The following MYO5A variants were observed in gnomAD, a reference collection of about 807,000 sequenced individuals.
The protein encoded by MYO5A is myosin VA, also known as unconventional myosin-Va.
In MYO5A, 98 loss-of-function variants were observed where a neutral mutation model predicts 249.7. That is an observed-to-expected ratio of 0.39 (90% confidence interval 0.33 to 0.46). The LOEUF is 0.46. Ranked by LOEUF, MYO5A falls within the 20% of genes least tolerant of loss-of-function variation. MYO5A has a pLI of 0.98. For missense variants in MYO5A, 1,696 were observed against 2,308.8 expected, an observed-to-expected ratio of 0.73 and a Z score of 5.44; for synonymous variants, 778 against 810.6, an observed-to-expected ratio of 0.96 and a Z score of 0.68.
intron 1 of MYO5A, among the ~76,000 whole-genome samples, chr15:52,452,874 G>C (rs550855666): frequency 1.5e-4 from 23 of 150,770 alleles, no homozygotes; most frequent in Non-Finnish European, 3.1e-4. Flanking sequence ...AGCCATAGGA[G>C]AAACAAAAAA....
chr15:52,317,676 C>T (rs927142486), intron 39 of MYO5A, among the ~76,000 whole-genome samples: 2 of 152,160 alleles, frequency 1.3e-5, no homozygotes, highest in South Asian at 4.1e-4. Context: ...TAACCAAAAG[C>T]CCCACATATA....
At chr15:52,490,500 T>C (rs1300223595) in intron 1 of MYO5A, among the ~76,000 whole-genome samples, 12 of 152,030 alleles carry the variant, frequency 7.9e-5, no homozygotes, top group Admixed American at 7.9e-4. Context: ...CTTGAGGACA[T>C]TACGCCATAT....
intron 14 of MYO5A, among the ~76,000 whole-genome samples, 158 bp from the exon 15 acceptor site, chr15:52,384,480 G>T (rs2041892173): frequency 6.6e-6 from 1 of 152,166 alleles, no homozygotes; most frequent in Non-Finnish European, 1.5e-5. Context: ...AAGAATATGA[G>T]AGGAAGGTGA....
intron 40 of MYO5A, among the ~76,000 whole-genome samples, chr15:52,316,307 T>C (rs1370447241): frequency 6.8e-6 from 1 of 147,424 alleles, no homozygotes; most frequent in African/African-American, 2.5e-5. Flanking sequence ...CAAAAGAAAA[T>C]TGGGCATGTT....
In MYO5A at chr15:52,343,118, T is replaced by G; in HGVS notation, c.4039A>C (p.Arg1347=). Residue 1347 remains arginine, a splice_region_variant and synonymous_variant, in exon 31 of 42, where the codon AGG becomes CGG. Transcript: ENST00000399233. ...LVYEGLKQAN[R]LLESQLQSQK... Reference sequence around the variant, plus strand: ...CCATTTTGAGGAGACAAATATAACCTGTTGGCTTGTTTTAACCCTTCATAA... The same window carrying G: ...CCATTTTGAGGAGACAAATATAACCGGTTGGCTTGTTTTAACCCTTCATAA... 2 of 1,609,364 alleles carry G rather than the reference T, an allele frequency of 1.2e-6. 1 individual carries two copies. Among genetic ancestry groups the G allele is most frequent in the East Asian group, 4.5e-5 (2 of 44,862 alleles).
chr15:52,386,464 T>TAGG (rs777276332), intron 14 of MYO5A, among the ~76,000 whole-genome samples: 1 of 152,140 alleles, frequency 6.6e-6, no homozygotes, highest in Non-Finnish European at 1.5e-5. Flanking sequence ...GAATAATACT[T>TAGG]AGAGATTGGC....
rs2041823591 is a variant in MYO5A at position 52,383,037 on chromosome 15, T to G, written c.2012+54A>C. 4.2e-6 allele frequency: 6 copies of G among 1,431,516 alleles called. No individual in the cohort carries two copies. In the South Asian group the frequency reaches 6.9e-5, roughly 16 times the overall value. 88.7% of individuals were successfully genotyped at this position (1,431,516 alleles called of 1,614,324 possible). On this transcript the variant is annotated intron_variant, in intron 16 of 41. Transcript: ENST00000399233. The stretch of plus-strand genomic sequence containing the variant: ...AAAATATTAGTTTGCTTGGCTGGTT[T>G]GGCACTTCTTATAAGATATGTACTT...
At chr15:52,441,993 A>G (rs1426360208) in intron 1 of MYO5A, among the ~76,000 whole-genome samples, 1 of 152,238 alleles carries the variant, frequency 6.6e-6, no homozygotes, top group African/African-American at 2.4e-5. Flanking sequence ...ATTTCCAGAA[A>G]CAGAGAATAT....
chr15:52,391,953 C>T lies in MYO5A; in HGVS notation c.1519G>A (p.Asp507Asn). Residue 507 changes from aspartate (D) to asparagine (N), a missense_variant, in exon 12 of 42, where the codon GAT becomes AAT. Around this residue, in one of 5 missense-constraint regions of MYO5A, gnomAD observed 277 missense variants for 422.4 expected, o/e 0.66. Coordinates refer to ENST00000399233, the MANE Select transcript of MYO5A (RefSeq NM_001382347.1). ...NLIESKLGIL[D>N]LLDEECKMPK... ...ACCTTGCATTCCTCATCCAGTAAAT[C>T]TAGAATGCCTAGTTTTGATTCTATA... 6.2e-7 allele frequency: 1 copy of T among 1,612,994 alleles called. No homozygotes were observed. The highest frequency in any genetic ancestry group is 1.3e-5 in the African/African-American group (1 of 74,966).
chr15:52,510,817 A>G lies in MYO5A; in HGVS notation c.27+17963T>C, dbSNP rs940110585. 3.9e-5 allele frequency among the ~76,000 whole-genome samples: 6 copies of G among 152,360 alleles called. No homozygotes were observed. In the East Asian group the frequency reaches 9.6e-4, roughly 24 times the overall value. On this transcript the variant is annotated intron_variant, in intron 1 of 41. Coordinates refer to ENST00000399233, the MANE Select transcript of MYO5A (RefSeq NM_001382347.1). ...AAAAAGGTTGGGGACCGCTGACCTA[A>G]GTCTAATGTATAGAATGGCACAGAT...
rs1259220283 is a variant in MYO5A, at chr15:52,415,965, A to C, written c.612+180T>G. The C allele has an allele frequency of 4.1e-5, 30 of 739,806 alleles. No homozygotes were observed. The East Asian group carries it at 7.7e-4, about 19-fold the overall frequency. The allele number at this position is 739,806 out of a possible 1,614,324, so 45.8% of individuals were successfully genotyped here. On this transcript the variant is annotated intron_variant, in intron 5 of 41. Transcript: ENST00000399233. The stretch of plus-strand genomic sequence containing the variant: ...CCGCTATAGCTGGGCTTTACTAAAA[A>C]TGTCTACCTTACCAAGTTTTTACTT...
intron 2 of MYO5A, among the ~76,000 whole-genome samples, chr15:52,431,822 C>A (rs1415981418): frequency 6.6e-6 from 1 of 151,756 alleles, no homozygotes; most frequent in Admixed American, 6.6e-5. Context: ...TCCATCTCTA[C>A]TAAAAAAATT....
intron 25 of MYO5A, among the ~76,000 whole-genome samples, chr15:52,358,883 T>G (rs2040378597): frequency 6.6e-6 from 1 of 152,208 alleles, no homozygotes; most frequent in Non-Finnish European, 1.5e-5. Flanking sequence ...GCCATACTGT[T>G]ATATCCATGG....
At chr15:52,392,393 C>T (rs147065084) in intron 11 of MYO5A, among the ~76,000 whole-genome samples, 76 of 152,338 alleles carry the variant, frequency 5.0e-4, no homozygotes, top group African/African-American at 1.7e-3. Context: ...TAGAGTGCTG[C>T]TAACAACATG....
At position 52,444,621 on chromosome 15, in the gene MYO5A, T is replaced by A. The variant is rs11070895; in HGVS notation, c.28-11336A>T. ...GAAGAATAAGAAAAACACAATCTCA[T>A]TGAATCACTTTCTCCTGATTGGGAC... On this transcript the variant is annotated intron_variant, in intron 1 of 41. Coordinates refer to ENST00000399233, the MANE Select transcript of MYO5A (RefSeq NM_001382347.1). 3.8e-3 allele frequency among the ~76,000 whole-genome samples: 573 copies of A among 152,256 alleles called. 27 individuals carry two copies. The East Asian group carries it at 0.096, about 25-fold the overall frequency.
At chr15:52,357,146 T>C (rs2040270742) in intron 25 of MYO5A, among the ~76,000 whole-genome samples, 1 of 152,138 alleles carries the variant, frequency 6.6e-6, no homozygotes, top group Non-Finnish European at 1.5e-5. Flanking sequence ...TTCTTCTCTA[T>C]ACGTCCCCCA....
chr15:52,484,030 C>T (rs1232774933), intron 1 of MYO5A, among the ~76,000 whole-genome samples: 1 of 152,156 alleles, frequency 6.6e-6, no homozygotes, highest in Non-Finnish European at 1.5e-5. Flanking sequence ...CTAGAGAGAC[C>T]ACTAACATTT....
At chr15:52,524,821 T>A (rs1018645145) in intron 1 of MYO5A, among the ~76,000 whole-genome samples, 2 of 151,888 alleles carry the variant, frequency 1.3e-5, no homozygotes, top group Non-Finnish European at 2.9e-5. Flanking sequence ...TGAGCCATGT[T>A]CATTTCACTG....
At chr15:52,429,281 C>A (rs530963658) in intron 2 of MYO5A, among the ~76,000 whole-genome samples, 1 of 152,174 alleles carries the variant, frequency 6.6e-6, no homozygotes, top group South Asian at 2.1e-4. Flanking sequence ...AGGCCGGACA[C>A]AGTGGCTCAC....
Sources: allele counts gnomAD v4.1 joint callset (sites outside exome capture counted in the v4.1 genomes callset), GRCh38; gene constraint gnomAD v4.1.1; regional missense constraint gnomAD v4.1.1; transcripts MANE v1.5; gene names NCBI Gene and HGNC (gene_info 2026-07-23, HGNC 2026-07-21).